NAGK: variants seen among roughly 807,000 people sequenced by gnomAD.
NAGK encodes the protein N-acetyl-D-glucosamine kinase.
Under a neutral mutation model 42.9 loss-of-function variants are expected in NAGK, and 35 were observed. The ratio of observed to expected loss-of-function variants is 0.82; its 90% confidence interval spans 0.62 to 1.08. The LOEUF is 1.08. Among genes scored for constraint, NAGK ranks in the 50% least tolerant of loss-of-function variants. The pLI, the probability that NAGK is intolerant of heterozygous loss-of-function variation, is 0.00. For synonymous variants in NAGK, 172 were observed against 176.0 expected, an observed-to-expected ratio of 0.98 and a Z score of 0.18; for missense variants, 446 against 446.0, an observed-to-expected ratio of 1.00 and a Z score of 0.00.
Position 71,073,519 on chromosome 2 carries a change from TG to T in NAGK, c.505del (p.Asp169ThrfsTer6). 6.2e-7 allele frequency: 1 copy of T among 1,614,172 alleles called. No individual in the cohort carries two copies. On this transcript the variant is annotated frameshift_variant, in exon 6 of 10. Coordinates refer to ENST00000244204, the MANE Select transcript of NAGK (RefSeq NM_017567.6). LOFTEE classifies it high-confidence loss of function. Reference protein sequence around the residue: ...IAHQAVKIVFDSIDNLEAAPH... With the variant: ...IAHQAVKIVFXSIDNLEAAPH... Reference sequence around the variant, plus strand: ...CACACCAAGCAGTGAAAATAGTGTTTGACTCCATTGACAACCTAGAGGCGGC... The same window carrying T: ...CACACCAAGCAGTGAAAATAGTGTTTACTCCATTGACAACCTAGAGGCGGC...
chr2:71,068,745 C>T, intron 1 of NAGK, 33 bp downstream of exon 1: 1 of 1,446,368 alleles, frequency 6.9e-7, no homozygotes. Context: ...AGCCTGGGCC[C>T]GAAGGCGGGG....
chr2:71,077,326 T>A (rs1429470446), intron 8 of NAGK, among the ~76,000 whole-genome samples: 1 of 152,220 alleles, frequency 6.6e-6, no homozygotes, highest in African/African-American at 2.4e-5. Context: ...CACTTCTGTC[T>A]TTCCTTCCTC....
Position 71,078,426 on chromosome 2 carries a change from T to G in NAGK, c.953T>G (p.Leu318Arg). The G allele has an allele frequency of 6.2e-7, 1 of 1,613,946 alleles. No individual in the cohort carries two copies. The highest frequency in any genetic ancestry group is 1.7e-5 in the Admixed American group (1 of 59,982). The change falls in exon 10 of 10, where the codon CTA (leucine) becomes CGA (arginine). Residue 318 changes from leucine (L) to arginine (R), a missense_variant. Leu to Arg is a moderately radical substitution (Grantham distance 102). Coordinates refer to ENST00000244204, the MANE Select transcript of NAGK (RefSeq NM_017567.6). ...RHSSALGGAS[L>R]GARHIGHLLP... ...TCCTCCGCTCTGGGTGGGGCCAGCCTAGGGGCCAGGCACATCGGGCACCTC... is the reference window on the plus strand; with the variant it reads ...TCCTCCGCTCTGGGTGGGGCCAGCCGAGGGGCCAGGCACATCGGGCACCTC...
intron 8 of NAGK, 96 bp downstream of exon 8, chr2:71,076,797 T>G: frequency 9.9e-7 from 1 of 1,010,382 alleles, no homozygotes; most frequent in South Asian, 1.5e-5. Flanking sequence ...CTGCATAGAT[T>G]GGATACTATT....
intron 9 of NAGK, among the ~76,000 whole-genome samples, 182 bp downstream of exon 9, chr2:71,077,818 C>T (rs560012008): frequency 6.6e-6 from 1 of 152,276 alleles, no homozygotes; most frequent in Admixed American, 6.5e-5. Flanking sequence ...TAATGATGTC[C>T]CATCCACCTT....
intron 1 of NAGK, chr2:71,069,024 T>G: frequency 8.9e-7 from 1 of 1,121,360 alleles, no homozygotes; most frequent in Non-Finnish European, 1.1e-6. Flanking sequence ...TTTTTCCTAT[T>G]CCTGACCTCG....
chr2:71,073,672 G>A (rs775484257), intron 6 of NAGK, 78 bp downstream of exon 6: 51 of 1,226,674 alleles, frequency 4.2e-5, no homozygotes, highest in Admixed American at 1.5e-4. Context: ...GGATGCAGGG[G>A]AGGGCCTGGG....
chr2:71,077,582 CTCCCCA>C lies in NAGK; in HGVS notation c.794_799del (p.Pro265_Ile266del), dbSNP rs1262752040. Reference sequence around the variant, plus strand: ...GGTCTTGTTCCAGGGCAAGATTGGACTCCCCATCCTGTGCGTGGGCTCTGTGTGGAA... The same window carrying C: ...GGTCTTGTTCCAGGGCAAGATTGGACTCCTGTGCGTGGGCTCTGTGTGGAA... On this transcript the variant is annotated inframe_deletion, in exon 9 of 10. Coordinates refer to ENST00000244204, the MANE Select transcript of NAGK (RefSeq NM_017567.6). 1 of 1,609,436 alleles carries C rather than the reference CTCCCCA, an allele frequency of 6.2e-7. No individual in the cohort carries two copies. The highest frequency in any genetic ancestry group is 1.3e-5 in the African/African-American group (1 of 74,796).
intron 6 of NAGK, among the ~76,000 whole-genome samples, chr2:71,073,952 G>A (rs1672121411): frequency 6.6e-6 from 1 of 152,194 alleles, no homozygotes; most frequent in African/African-American, 2.4e-5. Flanking sequence ...AGCAGGTAGA[G>A]TATGAATGTG....
In NAGK at chr2:71,072,636, C is replaced by A; in HGVS notation, c.356-5C>A. On this transcript the variant is annotated splice_region_variant and splice_polypyrimidine_tract_variant and intron_variant, in intron 4 of 9. Coordinates refer to ENST00000244204, the MANE Select transcript of NAGK (RefSeq NM_017567.6). ...CACACTGAGCCTCCTATTCCCTTTC[C>A]CCAGGTGGAGTTGTGCTCATATCTG... is the stretch of plus-strand genomic sequence containing the variant. 6.2e-7 allele frequency: 1 copy of A among 1,612,330 alleles called. No individual in the cohort carries two copies. The highest frequency in any genetic ancestry group is 8.5e-7 in the Non-Finnish European group (1 of 1,178,424).
chr2:71,076,522 CTTGCAACAGAGAGAGGA>C, intron 7 of NAGK, 65 bp from the exon 8 acceptor site: 1 of 1,167,862 alleles, frequency 8.6e-7, no homozygotes, highest in Non-Finnish European at 1.2e-6. Context: ...TGATGGCTGC[CTTGCAACAGAGAGAGGA>C]TAGCCCAGGA....
intron 7 of NAGK, 42 bp from the exon 8 acceptor site, chr2:71,076,562 T>A: frequency 2.7e-6 from 4 of 1,502,978 alleles, no homozygotes; most frequent in Non-Finnish European, 3.7e-6. Flanking sequence ...GGCAGCTCCC[T>A]CCTTTCTCAC....
At chr2:71,076,825 C>A in intron 8 of NAGK, 124 bp downstream of exon 8, 1 of 809,022 alleles carries the variant, frequency 1.2e-6, no homozygotes, top group Admixed American at 2.8e-5. Flanking sequence ...AACTTAGGGT[C>A]TAAGAAGCAT....
intron 6 of NAGK, 51 bp downstream of exon 6, chr2:71,073,645 A>C: frequency 7.0e-7 from 1 of 1,429,446 alleles, no homozygotes; most frequent in Non-Finnish European, 9.9e-7. Flanking sequence ...GGGCAGTGAA[A>C]CACTCCAAGT....
intron 8 of NAGK, 114 bp from the exon 9 acceptor site, chr2:71,077,444 T>A: frequency 1.0e-6 from 1 of 999,958 alleles, no homozygotes; most frequent in South Asian, 1.4e-5. Context: ...GTCTACTGTT[T>A]CTTGGCTTGA....
chr2:71,072,427 C>A (rs1004221925), intron 4 of NAGK: 2 of 521,970 alleles, frequency 3.8e-6, no homozygotes, highest in African/African-American at 1.9e-5. Context: ...TTCTCTTTGT[C>A]CCCCTAGACG....
intron 7 of NAGK, chr2:71,076,079 A>G: frequency 5.3e-6 from 1 of 190,428 alleles, no homozygotes; most frequent in Non-Finnish European, 1.1e-5. Context: ...TGTGAGGTCC[A>G]TCCTGCCTTA....
upstream of NAGK, chr2:71,068,321 G>A: frequency 3.8e-6 from 2 of 520,910 alleles, no homozygotes; most frequent in Non-Finnish European, 6.2e-6. Flanking sequence ...ACTTCCGGGC[G>A]TTTACAGGCA....
upstream of NAGK, chr2:71,068,508 C>T (rs895961113): frequency 1.1e-5 from 16 of 1,433,946 alleles, no homozygotes; most frequent in Admixed American, 4.2e-4. Flanking sequence ...CTGAGGGACG[C>T]AGCCATCCCC....
Sources: allele counts gnomAD v4.1 joint callset (sites outside exome capture counted in the v4.1 genomes callset), GRCh38; gene constraint gnomAD v4.1.1; transcripts MANE v1.5; gene names NCBI Gene and HGNC (gene_info 2026-07-23, HGNC 2026-07-21).